The following NCOA1 variants were observed in gnomAD, a reference collection of about 807,000 sequenced individuals.
NCOA1 encodes Hin-2 protein.
A neutral mutation model predicts 150.9 loss-of-function variants in NCOA1; 35 were observed. The ratio of observed to expected loss-of-function variants is 0.23; its 90% CI spans 0.18 to 0.31. The LOEUF (loss-of-function observed/expected upper bound fraction) is 0.31. Ranked by LOEUF, NCOA1 falls within the 10% of genes least tolerant of loss-of-function variation. The pLI, the probability that NCOA1 is intolerant of heterozygous loss-of-function variation, is 1.00. For synonymous variants in NCOA1, 590 were observed against 630.0 expected (o/e 0.94, Z 0.95); for missense variants, 1,491 against 1,749.3 (o/e 0.85, Z 2.63).
chr2:24,608,400 C>A (rs1420533167), intron 3 of NCOA1, among the ~76,000 whole-genome samples: 1 of 151,174 alleles, frequency 6.6e-6, no homozygotes, highest in East Asian at 1.9e-4. Context: ...CCTGCCTCAG[C>A]CTCCTAAGTA....
chr2:24,694,838 A>C (rs149359160), intron 10 of NCOA1, among the ~76,000 whole-genome samples: 96 of 152,086 alleles, frequency 6.3e-4, no homozygotes, highest in African/African-American at 2.3e-3. Flanking sequence ...TTTTTTTTTA[A>C]TTATTGAAAA....
chr2:24,526,199 A>G (rs1429622172), intron 1 of NCOA1, among the ~76,000 whole-genome samples: 1 of 151,996 alleles, frequency 6.6e-6, no homozygotes, highest in African/African-American at 2.4e-5. Context: ...ATGTGGTTCT[A>G]GTGGTTCAGA....
intron 20 of NCOA1, among the ~76,000 whole-genome samples, chr2:24,755,036 A>G (rs1664428333): frequency 6.6e-6 from 1 of 152,234 alleles, no homozygotes; most frequent in African/African-American, 2.4e-5. Flanking sequence ...AGCCTTGTGT[A>G]TTAGCGTATA....
chr2:24,555,998 CTTTAT>C (rs1341118579), intron 1 of NCOA1: 1 of 152,042 alleles, frequency 6.6e-6, no homozygotes, highest in Admixed American at 6.6e-5. Flanking sequence ...ATTTTTTCCT[CTTTAT>C]TTTATTTTCA....
intron 20 of NCOA1, among the ~76,000 whole-genome samples, chr2:24,756,778 C>T (rs915711806): frequency 8.5e-5 from 13 of 152,102 alleles, no homozygotes; most frequent in Admixed American, 4.6e-4. Context: ...GGTTCAAATA[C>T]AAAGTGTCAA....
chr2:24,547,696 A>AG (rs1327654720), intron 1 of NCOA1, among the ~76,000 whole-genome samples: 1 of 151,856 alleles, frequency 6.6e-6, no homozygotes, highest in Non-Finnish European at 1.5e-5. Flanking sequence ...TGTTAAAAAA[A>AG]AGGATGAGGG....
intron 2 of NCOA1, among the ~76,000 whole-genome samples, chr2:24,582,616 G>T (rs995042705): frequency 4.6e-5 from 7 of 152,076 alleles, no homozygotes; most frequent in African/African-American, 1.7e-4. Flanking sequence ...CCTAAAATTT[G>T]TATGAAACCA....
At chr2:24,705,367 A>G (rs1572618250) in intron 12 of NCOA1, 134 bp downstream of exon 12, 1 of 779,324 alleles carries the variant, frequency 1.3e-6, no homozygotes, top group Non-Finnish European at 2.0e-6. Context: ...ATGAGTATAT[A>G]TAATCAATAT....
In NCOA1 at chr2:24,526,520, A is replaced by C. The variant is rs151097987; in HGVS notation, c.-396+34918A>C. On this transcript the variant is annotated intron_variant, in intron 1 of 22. Transcript: ENST00000348332. ...ACTATTGTCTCGACCTTTTTTAAAA[A>C]AAATAGGCTATCATTTTTACTAAGA... 9.1e-4 allele frequency among the ~76,000 whole-genome samples: 139 copies of C among 152,192 alleles called. 2 individuals are homozygous for C. The East Asian group carries it at 0.016, about 17-fold the overall frequency.
chr2:24,736,707 C>T (rs1228831548), intron 17 of NCOA1, among the ~76,000 whole-genome samples: 4 of 152,122 alleles, frequency 2.6e-5, no homozygotes, highest in Non-Finnish European at 4.4e-5. Flanking sequence ...ACATTTGGGG[C>T]TGGGTAATTC....
At chr2:24,544,798 A>T (rs1665543012) in intron 1 of NCOA1, among the ~76,000 whole-genome samples, 1 of 152,174 alleles carries the variant, frequency 6.6e-6, no homozygotes. Context: ...GTAGGACAGA[A>T]ATTCAGTAGA....
At chr2:24,571,109 G>A (rs1210524679) in intron 2 of NCOA1, among the ~76,000 whole-genome samples, 2 of 152,020 alleles carry the variant, frequency 1.3e-5, no homozygotes, top group African/African-American at 4.8e-5. Flanking sequence ...ATATGCCTGG[G>A]CTCCTGCTTC....
At chr2:24,737,644 G>A (rs956670614) in intron 17 of NCOA1, among the ~76,000 whole-genome samples, 5 of 152,098 alleles carry the variant, frequency 3.3e-5, no homozygotes, top group Non-Finnish European at 7.4e-5. Flanking sequence ...CATCCTTCAA[G>A]ATGAATGCAA....
chr2:24,723,814 CTG>C (rs1674475363), intron 14 of NCOA1, among the ~76,000 whole-genome samples: 1 of 152,082 alleles, frequency 6.6e-6, no homozygotes, highest in South Asian at 2.1e-4. Context: ...AAATAAAACA[CTG>C]TAACTGCTGT....
At chr2:24,751,597 A>AT in intron 19 of NCOA1, among the ~76,000 whole-genome samples, 1 of 152,128 alleles carries the variant, frequency 6.6e-6, no homozygotes, top group Admixed American at 6.5e-5. Context: ...GAAAAAAAAA[A>AT]AAAGTTTAAT....
chr2:24,571,886 G>GTTCATTCCTAAGCAGTTCTCTCC (rs757495023), intron 2 of NCOA1, among the ~76,000 whole-genome samples: 19 of 152,110 alleles, frequency 1.2e-4, no homozygotes, highest in Non-Finnish European at 2.5e-4. Context: ...CTCCTGATCT[G>GTTCATTCCTAAGCAGTTCTCTCC]TAAGCAGTTC....
chr2:24,688,967 C>T (rs1672536393), intron 8 of NCOA1, among the ~76,000 whole-genome samples: 1 of 152,136 alleles, frequency 6.6e-6, no homozygotes, highest in South Asian at 2.1e-4. Flanking sequence ...CTGCATATGG[C>T]TATCCAGTTA....
At chr2:24,608,969 G>A (rs1035332315) in intron 3 of NCOA1, among the ~76,000 whole-genome samples, 1 of 151,984 alleles carries the variant, frequency 6.6e-6, no homozygotes, top group Non-Finnish European at 1.5e-5. Context: ...ATCATTTTAG[G>A]GGGCACATAA....
At chr2:24,628,484 A>AT (rs1472928941) in intron 3 of NCOA1, among the ~76,000 whole-genome samples, 1 of 151,952 alleles carries the variant, frequency 6.6e-6, no homozygotes, top group Non-Finnish European at 1.5e-5. Context: ...GCATATATTA[A>AT]TTTTTTTTAA....
Sources: gnomAD v4.1 joint callset for allele counts (sites outside exome capture counted in the v4.1 genomes callset) on GRCh38, gnomAD v4.1.1 for gene constraint, MANE v1.5 for transcripts, NCBI Gene and HGNC (gene_info 2026-07-23, HGNC 2026-07-21) for gene names.